DAB1: variants seen among roughly 807,000 people sequenced by gnomAD.
DAB1 encodes DAB adaptor protein 1.
DAB1 carries 15 observed loss-of-function variants against 64.6 expected under a neutral mutation model. That is an observed-to-expected ratio of 0.23 (90% CI 0.16 to 0.36). The LOEUF (loss-of-function observed/expected upper bound fraction) is 0.36. DAB1 is among the 10% of genes least tolerant of loss of function. The pLI is 1.00. For synonymous variants in DAB1, 235 were observed against 251.9 expected, an observed-to-expected ratio of 0.93 and a Z score of 0.64; for missense variants, 596 against 706.7, an observed-to-expected ratio of 0.84 and a Z score of 1.78.
chr1:58,021,849 T>C (rs1351238125), intron 5 of DAB1, among the ~76,000 whole-genome samples: 1 of 152,280 alleles, frequency 6.6e-6, no homozygotes, highest in South Asian at 2.1e-4. Context: ...ATAGGAAGCA[T>C]CCAATTAAGT....
chr1:57,995,452 A>C (rs1369615306), intron 5 of DAB1, among the ~76,000 whole-genome samples: 1 of 152,240 alleles, frequency 6.6e-6, no homozygotes, highest in African/African-American at 2.4e-5. Flanking sequence ...AATCAATGCA[A>C]AAAAATTTGG....
intron 1 of DAB1, among the ~76,000 whole-genome samples, chr1:57,355,337 A>G (rs981204082): frequency 1.4e-5 from 2 of 140,382 alleles, no homozygotes; most frequent in African/African-American, 5.4e-5. Flanking sequence ...CCTTCCTTCC[A>G]TCCTCCCTTC....
intron 4 of DAB1, among the ~76,000 whole-genome samples, chr1:58,242,654 T>A (rs996372210): frequency 6.6e-6 from 1 of 152,152 alleles, no homozygotes; most frequent in African/African-American, 2.4e-5. Context: ...TGGAAAAAGT[T>A]GATAAAGTGA....
At chr1:58,007,378 T>C (rs1646600998) in intron 5 of DAB1, among the ~76,000 whole-genome samples, 1 of 152,228 alleles carries the variant, frequency 6.6e-6, no homozygotes, top group Non-Finnish European at 1.5e-5. Context: ...CCAAAACATA[T>C]AACATCCTGC....
chr1:58,141,125 C>A (rs1303149333), intron 5 of DAB1, among the ~76,000 whole-genome samples: 2 of 151,692 alleles, frequency 1.3e-5, no homozygotes, highest in Non-Finnish European at 2.9e-5. Context: ...AGAGCAAGAG[C>A]GAGAGAGAGA....
At chr1:57,079,854 G>A (rs764089329) in intron 4 of DAB1, among the ~76,000 whole-genome samples, 7 of 152,206 alleles carry the variant, frequency 4.6e-5, no homozygotes, top group Admixed American at 6.5e-5. Context: ...TTCCCATGAC[G>A]CAAGTCCTCT....
chr1:58,332,212 T>G (rs1454916252), intron 4 of DAB1, among the ~76,000 whole-genome samples: 1 of 152,196 alleles, frequency 6.6e-6, no homozygotes, highest in African/African-American at 2.4e-5. Flanking sequence ...CTACTGTAGA[T>G]TCCACCTTCC....
intron 6 of DAB1, among the ~76,000 whole-genome samples, chr1:57,679,036 G>A (rs781433850): frequency 6.6e-6 from 1 of 152,064 alleles, no homozygotes. Flanking sequence ...CTCCCAAAGT[G>A]CTAGGATTAC....
chr1:57,571,245 A>C (rs999179485), intron 7 of DAB1, among the ~76,000 whole-genome samples: 1 of 152,118 alleles, frequency 6.6e-6, no homozygotes, highest in Admixed American at 6.6e-5. Context: ...ACTACGTTGA[A>C]TAGAAGTGGT....
intron 5 of DAB1, among the ~76,000 whole-genome samples, chr1:57,904,776 G>A (rs879308979): frequency 6.6e-6 from 1 of 152,112 alleles, no homozygotes; most frequent in South Asian, 2.1e-4. Context: ...CGCAGCTTAA[G>A]GATGGTAAGT....
chr1:58,035,862 C>T lies in DAB1; in HGVS notation n.387+114649G>A, dbSNP rs934568072. Among the ~76,000 whole-genome samples the T allele has an allele frequency of 2.6e-5, 4 of 152,300 alleles. No individual in the cohort carries two copies. In the East Asian group the frequency reaches 5.8e-4, roughly 22 times the overall value. On this transcript the variant is annotated intron_variant and non_coding_transcript_variant, in intron 5 of 20. Transcript: ENST00000485760. ...GAAAACTGCAGCTTTGGGAAAAACCCGAGATAGGGCACTTTCACTATCTCA... is the reference window on the plus strand; with the variant it reads ...GAAAACTGCAGCTTTGGGAAAAACCTGAGATAGGGCACTTTCACTATCTCA...
At chr1:57,060,634 C>T (rs193184442) in intron 9 of DAB1, among the ~76,000 whole-genome samples, 142 of 152,132 alleles carry the variant, frequency 9.3e-4, no homozygotes, top group African/African-American at 2.8e-3. Flanking sequence ...CTGTTCAGAG[C>T]GAAAGTCCAG....
intron 7 of DAB1, among the ~76,000 whole-genome samples, chr1:57,551,778 C>T (rs1442002229): frequency 6.6e-6 from 1 of 152,128 alleles, no homozygotes; most frequent in Non-Finnish European, 1.5e-5. Flanking sequence ...GGAAGAAACA[C>T]CATTTTCTTG....
chr1:57,902,343 A>T (rs942848974), intron 5 of DAB1, among the ~76,000 whole-genome samples: 13 of 152,184 alleles, frequency 8.5e-5, no homozygotes, highest in Admixed American at 7.2e-4. Context: ...ACTTGGCAAT[A>T]TCGTTATCTT....
chr1:57,618,161 T>A (rs1013555638), intron 7 of DAB1, among the ~76,000 whole-genome samples: 10 of 152,152 alleles, frequency 6.6e-5, no homozygotes, highest in African/African-American at 2.4e-4. Flanking sequence ...ACGCCTGTAA[T>A]CCCAGCACTT....
At chr1:57,158,981 A>T (rs908883615) in intron 2 of DAB1, among the ~76,000 whole-genome samples, 1 of 152,156 alleles carries the variant, frequency 6.6e-6, no homozygotes, top group African/African-American at 2.4e-5. Flanking sequence ...CCAGGCAGAG[A>T]TTCTCATCTG....
intron 6 of DAB1, among the ~76,000 whole-genome samples, chr1:57,741,820 C>T (rs1464329827): frequency 2.0e-5 from 3 of 152,184 alleles, no homozygotes; most frequent in Non-Finnish European, 2.9e-5. Flanking sequence ...TGGAGAGACC[C>T]AGGACCTCAG....
At position 57,145,188 on chromosome 1, in the gene DAB1, A is replaced by G; in HGVS notation, c.207+102T>C. 13 of 1,187,372 alleles carry G rather than the reference A, an allele frequency of 1.1e-5. No individual in the cohort carries two copies. The South Asian group carries it at 1.7e-4, about 16-fold the overall frequency. 73.6% of individuals were successfully genotyped at this position (1,187,372 alleles called of 1,614,324 possible). ...GATTCAACAGTAAGCCAAGTAATTT[A>G]CCAATAAATGAATAAAGTTATTTAC... On this transcript the variant is annotated intron_variant, in intron 3 of 14. Transcript: ENST00000371236.
chr1:58,515,137 C>A (rs1255583430), intron 2 of DAB1, among the ~76,000 whole-genome samples: 4 of 152,132 alleles, frequency 2.6e-5, no homozygotes, highest in African/African-American at 9.7e-5. Flanking sequence ...CTTCTTAAAG[C>A]TCATTTTATT....
Sources: gnomAD v4.1 joint callset for allele counts (sites outside exome capture counted in the v4.1 genomes callset) on GRCh38, gnomAD v4.1.1 for gene constraint, MANE v1.5 for transcripts, NCBI Gene and HGNC (gene_info 2026-07-23, HGNC 2026-07-21) for gene names.